The following USP22 variants were observed in gnomAD, a reference collection of about 807,000 sequenced individuals.
The protein encoded by USP22 is ubiquitin specific peptidase 22.
Under a neutral mutation model 68.1 loss-of-function variants are expected in USP22, and 22 were observed. The ratio of observed to expected loss-of-function variants is 0.32; its 90% CI spans 0.23 to 0.46. USP22 has a LOEUF of 0.46. Among genes scored for constraint, USP22 ranks in the 20% least tolerant of loss-of-function variants. The probability of loss-of-function intolerance (pLI) is 1.00; values close to 1 mark genes in which losing one functional copy is unlikely to be tolerated. For synonymous variants in USP22, 279 were observed against 274.2 expected (o/e 1.02, Z -0.17); for missense variants, 433 against 695.8 (o/e 0.62, Z 4.25).
Position 21,036,525 on chromosome 17 carries a change from G to GC in USP22, c.171+6139_171+6140insG, listed in dbSNP as rs368535828. ...TAACTGAGCACTGTACTGTAAGGGG[G>GC]GGGGGGGTCAAGTCATTTCCCAAGG... On this transcript the variant is annotated intron_variant, in intron 1 of 12. Transcript: ENST00000261497. Among the ~76,000 whole-genome samples, 15 of 142,938 alleles carry GC rather than the reference G, an allele frequency of 1.0e-4. No homozygotes were observed. The East Asian group carries it at 1.1e-3, about 11-fold the overall frequency. 93.8% of individuals were successfully genotyped at this position (142,938 alleles called of 152,430 possible).
At position 21,002,906 on chromosome 17, in the gene USP22, T is replaced by G. The variant is rs1913639207; in HGVS notation, c.*125A>C. On this transcript the variant is annotated 3_prime_UTR_variant, in exon 13 of 13. Coordinates refer to ENST00000261497, the MANE Select transcript of USP22 (RefSeq NM_015276.2). ...CAGGTGCAGAGGGGCCACATCTGCA[T>G]GGGAGGTGGTGTCACCAGGCCGGGG... The G allele has an allele frequency of 5.1e-5, 57 of 1,121,402 alleles. No individual in the cohort carries two copies. The highest frequency in any genetic ancestry group is 7.0e-5 in the Non-Finnish European group (53 of 761,064). 69.5% of individuals were successfully genotyped at this position (1,121,402 alleles called of 1,614,324 possible).
Position 21,002,964 on chromosome 17 carries a change from A to C in USP22, c.*67T>G. 4 of 1,584,840 alleles carry C rather than the reference A, an allele frequency of 2.5e-6. No homozygotes were observed. The highest frequency in any genetic ancestry group is 2.3e-5 in the East Asian group (1 of 44,350). On this transcript the variant is annotated 3_prime_UTR_variant, in exon 13 of 13. Coordinates refer to ENST00000261497, the MANE Select transcript of USP22 (RefSeq NM_015276.2). ...GGGAGACTTGGGGGAGGGGGGGGCC[A>C]GGGAGGATCACTTTGTGAGGCTTGC...
At position 21,021,167 on chromosome 17, in the gene USP22, T is replaced by C; in HGVS notation, c.364A>G (p.Lys122Glu). 6.2e-7 allele frequency: 1 copy of C among 1,614,190 alleles called. No homozygotes were observed. Among genetic ancestry groups the C allele is most frequent in the African/African-American group, 1.3e-5 (1 of 75,040 alleles). The part of the protein sequence containing the change: ...CFLCQDYIYD[K>E]DMEIIAKEEQ... ...TCCTTGGCGATTATTTCCATGTCTTTGTCATAGATGTAGTCCTGGCACAGA... is the reference window on the plus strand; with the variant it reads ...TCCTTGGCGATTATTTCCATGTCTTCGTCATAGATGTAGTCCTGGCACAGA... The change falls in exon 3 of 13, where the codon AAA (lysine) becomes GAA (glutamate). Residue 122 changes from lysine to glutamate, a missense_variant. Coordinates refer to ENST00000261497, the MANE Select transcript of USP22 (RefSeq NM_015276.2).
intron 2 of USP22, among the ~76,000 whole-genome samples, chr17:21,022,726 G>A (rs975588698): frequency 6.6e-6 from 1 of 151,784 alleles, no homozygotes; most frequent in African/African-American, 2.4e-5. Flanking sequence ...GTGAACCTGG[G>A]AGGCGGAGCT....
intron 2 of USP22, among the ~76,000 whole-genome samples, chr17:21,024,418 G>A (rs1023102920): frequency 2.0e-5 from 3 of 152,164 alleles, no homozygotes; most frequent in South Asian, 2.1e-4. Context: ...AAAACCAACC[G>A]ACATCCACAA....
chr17:21,042,423 G>A (rs1449221697), intron 1 of USP22: 1 of 319,000 alleles, frequency 3.1e-6, no homozygotes, highest in African/African-American at 2.2e-5. Context: ...AGGAAGAATG[G>A]GGGAAGGGGG....
chr17:21,019,617 A>C (rs1447269695), intron 3 of USP22, among the ~76,000 whole-genome samples: 2 of 152,010 alleles, frequency 1.3e-5, no homozygotes, highest in African/African-American at 4.8e-5. Context: ...GCGTCGAGTT[A>C]CCAAACTAAG....
intron 1 of USP22, among the ~76,000 whole-genome samples, chr17:21,032,007 C>T (rs1700899568): frequency 6.6e-6 from 1 of 152,230 alleles, no homozygotes; most frequent in African/African-American, 2.4e-5. Context: ...CACCACATAG[C>T]AATGTTTCAG....
rs1285291191 is a variant in USP22, at chr17:21,042,779, C to T, written c.57G>A (p.Ala19=). The change falls in exon 1 of 13, where the codon GCG becomes GCA. Residue 19 remains alanine, a synonymous_variant. Transcript: ENST00000261497. ...GEAMDAELAV[A]PPGCSHLGSF... The stretch of plus-strand genomic sequence containing the variant: ...TGCCCAGGTGCGAGCAGCCCGGCGG[C>T]GCTACCGCCAGCTCGGCGTCCATGG... The T allele has an allele frequency of 7.4e-6, 11 of 1,489,688 alleles. No individual in the cohort carries two copies. Among genetic ancestry groups the T allele is most frequent in the South Asian group, 1.3e-5 (1 of 78,296 alleles). 92.3% of individuals were successfully genotyped at this position (1,489,688 alleles called of 1,614,324 possible). A position where few individuals can be genotyped will look rare whatever the true frequency, so the allele number is the denominator to read the frequency against.
At chr17:21,005,105 T>G in intron 10 of USP22, 115 bp from the exon 11 acceptor site, 22 of 1,092,202 alleles carry the variant, frequency 2.0e-5, no homozygotes, top group Non-Finnish European at 2.7e-5. Context: ...TGCACCGAGG[T>G]GCACTTTATG....
At chr17:21,042,509 G>A (rs1261098435) in intron 1 of USP22, among the ~76,000 whole-genome samples, 156 bp downstream of exon 1, 2 of 151,412 alleles carry the variant, frequency 1.3e-5, no homozygotes, top group African/African-American at 4.8e-5. Flanking sequence ...AGGGGGAAGG[G>A]GTAAAGAGAA....
intron 1 of USP22, among the ~76,000 whole-genome samples, chr17:21,040,886 C>G (rs1181259480): frequency 1.8e-5 from 2 of 108,474 alleles, no homozygotes; most frequent in Non-Finnish European, 4.0e-5. Flanking sequence ...ACCAGGCCAC[C>G]CTTTTTTTTT....
chr17:21,011,973 C>T (rs1913985578), intron 7 of USP22, among the ~76,000 whole-genome samples: 1 of 152,148 alleles, frequency 6.6e-6, no homozygotes, highest in African/African-American at 2.4e-5. Flanking sequence ...AGGCCCCAAA[C>T]GGTCTATGCT....
intron 1 of USP22, among the ~76,000 whole-genome samples, chr17:21,034,592 A>G (rs1270850094): frequency 1.3e-5 from 2 of 152,150 alleles, no homozygotes; most frequent in African/African-American, 4.8e-5. Context: ...CTGTCCCATG[A>G]CCATCCCTTT....
intron 1 of USP22, among the ~76,000 whole-genome samples, chr17:21,040,206 T>A (rs1484533525): frequency 1.3e-5 from 2 of 152,184 alleles, no homozygotes; most frequent in Non-Finnish European, 2.9e-5. Context: ...AAATAAAATT[T>A]AAAAAACAAA....
intron 9 of USP22, 61 bp from the exon 10 acceptor site, chr17:21,007,048 C>CT (rs1913804830): frequency 7.0e-7 from 1 of 1,422,074 alleles, no homozygotes. Context: ...TCACTGGAAG[C>CT]TTCAGGGCCT....
intron 3 of USP22, among the ~76,000 whole-genome samples, chr17:21,020,527 C>T (rs1972144263): frequency 6.6e-6 from 1 of 151,170 alleles, no homozygotes; most frequent in African/African-American, 2.5e-5. Context: ...GGTCTAGTTT[C>T]CATCTGGTGG....
At chr17:21,004,442 G>A in intron 11 of USP22, 91 bp from the exon 12 acceptor site, 3 of 1,519,056 alleles carry the variant, frequency 2.0e-6, no homozygotes, top group Non-Finnish European at 2.7e-6. Flanking sequence ...GCCCAGGCAG[G>A]GAGCGGGAGG....
At chr17:21,016,120 T>G (rs1053928156) in intron 5 of USP22, among the ~76,000 whole-genome samples, 2 of 152,118 alleles carry the variant, frequency 1.3e-5, no homozygotes, top group Non-Finnish European at 2.9e-5. Flanking sequence ...TACCATCTAG[T>G]TTTCCACATA....
Sources: gnomAD v4.1 joint callset for allele counts (sites outside exome capture counted in the v4.1 genomes callset) on GRCh38, gnomAD v4.1.1 for gene constraint, MANE v1.5 for transcripts, NCBI Gene and HGNC (gene_info 2026-07-23, HGNC 2026-07-21) for gene names.